BNC2: variants seen among roughly 807,000 people sequenced by gnomAD.
The protein encoded by BNC2 is zinc finger protein basonuclin-2.
Under a neutral mutation model 76.3 loss-of-function variants are expected in BNC2, and 20 were observed. That is an observed-to-expected ratio of 0.26 (90% CI 0.18 to 0.38). The LOEUF (loss-of-function observed/expected upper bound fraction) is 0.38. Ranked by LOEUF, BNC2 falls within the 10% of genes least tolerant of loss-of-function variation. BNC2 has a pLI of 1.00. For synonymous variants in BNC2, 582 were observed against 514.8 expected, an observed-to-expected ratio of 1.13 and a Z score of -1.77; for missense variants, 1,382 against 1,399.8, an observed-to-expected ratio of 0.99 and a Z score of 0.20.
intron 3 of BNC2, among the ~76,000 whole-genome samples, chr9:16,613,542 C>G (rs909039568): frequency 1.3e-5 from 2 of 152,188 alleles, no homozygotes; most frequent in African/African-American, 4.8e-5. Context: ...ACGCCAACAC[C>G]TGTACCTTTT....
At chr9:16,545,478 A>T (rs1470684209) in intron 5 of BNC2, among the ~76,000 whole-genome samples, 1 of 152,188 alleles carries the variant, frequency 6.6e-6, no homozygotes, top group Admixed American at 6.5e-5. Flanking sequence ...GAATAAAGAC[A>T]CGGGCCTAAT....
chr9:16,813,770 A>G (rs910280352), intron 1 of BNC2, among the ~76,000 whole-genome samples: 13 of 152,226 alleles, frequency 8.5e-5, no homozygotes, highest in African/African-American at 3.1e-4. Flanking sequence ...TGTGACCTCA[A>G]TGCAAAGAAC....
chr9:16,495,714 T>A (rs532584983), intron 5 of BNC2, among the ~76,000 whole-genome samples: 1 of 152,232 alleles, frequency 6.6e-6, no homozygotes, highest in South Asian at 2.1e-4. Flanking sequence ...TAGGGCCCAG[T>A]GGCTGGGGCT....
intron 4 of BNC2, among the ~76,000 whole-genome samples, chr9:16,558,788 G>A (rs1818918509): frequency 1.3e-5 from 2 of 151,930 alleles, no homozygotes; most frequent in African/African-American, 4.8e-5. Flanking sequence ...AATTGTCCAG[G>A]CACGGTGGCG....
chr9:16,617,803 G>T, intron 3 of BNC2, among the ~76,000 whole-genome samples: 1 of 152,298 alleles, frequency 6.6e-6, no homozygotes, highest in South Asian at 2.1e-4. Flanking sequence ...ATTAACTTCA[G>T]CTATGCAGGA....
chr9:16,695,399 C>G (rs1231106318), intron 3 of BNC2, among the ~76,000 whole-genome samples: 1 of 152,066 alleles, frequency 6.6e-6, no homozygotes, highest in African/African-American at 2.4e-5. Context: ...CCTAGACTTT[C>G]CTTTCAGTTT....
At chr9:16,558,659 G>A (rs978962638) in intron 4 of BNC2, among the ~76,000 whole-genome samples, 6 of 152,134 alleles carry the variant, frequency 3.9e-5, no homozygotes, top group African/African-American at 9.7e-5. Flanking sequence ...CGTCAGGTGC[G>A]GTGGCTCATG....
In BNC2 at chr9:16,712,253, T is replaced by A. The variant is rs531097115; in HGVS notation, c.330+15544A>T. 1.1e-4 allele frequency among the ~76,000 whole-genome samples: 17 copies of A among 152,332 alleles called. No homozygotes were observed. In the East Asian group the frequency reaches 3.1e-3, roughly 28 times the overall value. On this transcript the variant is annotated intron_variant, in intron 3 of 6. Transcript: ENST00000380672. ...TGAATATAATTTAAGCAGTAATAAA[T>A]ACTGAATATAATTTCAGTAAGTAAA...
At chr9:16,749,818 G>A (rs1039353918) in intron 1 of BNC2, among the ~76,000 whole-genome samples, 2 of 152,168 alleles carry the variant, frequency 1.3e-5, no homozygotes, top group African/African-American at 4.8e-5. Context: ...AACTGTAGAG[G>A]CCTTGAAATT....
chr9:16,707,934 G>A (rs1193372944), intron 3 of BNC2, among the ~76,000 whole-genome samples: 1 of 152,124 alleles, frequency 6.6e-6, no homozygotes. Context: ...GAGCCACCAC[G>A]CCGGGCCAAA....
At chr9:16,767,575 A>T (rs1825732446) in intron 1 of BNC2, among the ~76,000 whole-genome samples, 1 of 152,140 alleles carries the variant, frequency 6.6e-6, no homozygotes, top group African/African-American at 2.4e-5. Flanking sequence ...ATTAGAAGCC[A>T]AATGAGGCAC....
chr9:16,682,022 T>G (rs1028164196), intron 3 of BNC2, among the ~76,000 whole-genome samples: 23 of 152,084 alleles, frequency 1.5e-4, no homozygotes, highest in African/African-American at 5.5e-4. Flanking sequence ...GGTCATCTAT[T>G]TGGAACAGAA....
At chr9:16,851,382 T>C (rs1440821999) in intron 1 of BNC2, among the ~76,000 whole-genome samples, 1 of 150,408 alleles carries the variant, frequency 6.6e-6, no homozygotes, top group Non-Finnish European at 1.5e-5. Flanking sequence ...GGCTCATGCG[T>C]GTAGTCCCAG....
intron 1 of BNC2, among the ~76,000 whole-genome samples, chr9:16,742,954 C>G (rs1227066315): frequency 2.0e-5 from 3 of 152,166 alleles, no homozygotes; most frequent in African/African-American, 7.2e-5. Flanking sequence ...AACATCTCAG[C>G]TCTCTCAAGT....
intron 5 of BNC2, among the ~76,000 whole-genome samples, chr9:16,476,500 C>G (rs1406306666): frequency 6.6e-6 from 1 of 151,538 alleles, no homozygotes; most frequent in Non-Finnish European, 1.5e-5. Context: ...CTCACTTTGT[C>G]AAGGAAGTGA....
intron 1 of BNC2, among the ~76,000 whole-genome samples, chr9:16,838,795 G>C (rs955330333): frequency 6.6e-6 from 1 of 152,152 alleles, no homozygotes; most frequent in African/African-American, 2.4e-5. Context: ...ATTATTTATA[G>C]TGTACTTATT....
At chr9:16,439,101 T>G (rs1350561604) in intron 5 of BNC2, among the ~76,000 whole-genome samples, 1 of 152,212 alleles carries the variant, frequency 6.6e-6, no homozygotes, top group Non-Finnish European at 1.5e-5. Context: ...TGCTTCCATG[T>G]AAGATGTGAC....
chr9:16,788,509 C>CGT (rs1826371703), intron 1 of BNC2, among the ~76,000 whole-genome samples: 1 of 148,800 alleles, frequency 6.7e-6, no homozygotes, highest in Non-Finnish European at 1.5e-5. Flanking sequence ...GCCGAGATGA[C>CGT]GCCACTGCAC....
At chr9:16,531,812 G>T (rs1817983239) in intron 5 of BNC2, among the ~76,000 whole-genome samples, 1 of 152,006 alleles carries the variant, frequency 6.6e-6, no homozygotes. Flanking sequence ...TTCCCCCAAA[G>T]AAATCAATTA....
Sources: allele counts gnomAD v4.1 joint callset (sites outside exome capture counted in the v4.1 genomes callset), GRCh38; gene constraint gnomAD v4.1.1; transcripts MANE v1.5; gene names NCBI Gene and HGNC (gene_info 2026-07-23, HGNC 2026-07-21).